STPG2: variants seen among roughly 807,000 people sequenced by gnomAD.
STPG2 encodes sperm-tail PG-rich repeat-containing protein 2.
A neutral mutation model predicts 54.2 loss-of-function variants in STPG2; 56 were observed. That is an observed-to-expected ratio of 1.03 (90% CI 0.83 to 1.29). The LOEUF (loss-of-function observed/expected upper bound fraction) is 1.29, where lower values mean the gene tolerates loss of function less well. Among genes scored for constraint, STPG2 ranks in the 50% most tolerant of loss-of-function variants. The pLI is 0.00. For synonymous variants in STPG2, 200 were observed against 181.8 expected, an observed-to-expected ratio of 1.10 and a Z score of -0.81; for missense variants, 596 against 544.9, an observed-to-expected ratio of 1.09 and a Z score of -0.93.
chr4:97,759,920 A>G (rs1237749791), intron 9 of STPG2, among the ~76,000 whole-genome samples: 1 of 152,128 alleles, frequency 6.6e-6, no homozygotes, highest in African/African-American at 2.4e-5. Flanking sequence ...TTTCCAATCT[A>G]TTCTTAAAAT....
chr4:97,621,606 C>A (rs936774785), intron 10 of STPG2, among the ~76,000 whole-genome samples: 3 of 152,040 alleles, frequency 2.0e-5, no homozygotes, highest in Non-Finnish European at 2.9e-5. Context: ...AACAGACCAA[C>A]AGTGAGTTCC....
intron 8 of STPG2, among the ~76,000 whole-genome samples, chr4:97,936,123 C>T (rs776236627): frequency 3.3e-5 from 5 of 152,124 alleles, no homozygotes; most frequent in South Asian, 2.1e-4. Flanking sequence ...ATCCCTTTAC[C>T]GTTATGTAAT....
chr4:97,912,514 C>T (rs1158872297), intron 8 of STPG2, among the ~76,000 whole-genome samples: 3 of 152,120 alleles, frequency 2.0e-5, no homozygotes, highest in Admixed American at 2.0e-4. Flanking sequence ...AAAAACTTCA[C>T]GATGCACTCA....
At chr4:97,654,801 TA>T (rs530781973) in intron 10 of STPG2, among the ~76,000 whole-genome samples, 6 of 144,380 alleles carry the variant, frequency 4.2e-5, no homozygotes, top group Non-Finnish European at 5.9e-5. Flanking sequence ...TTTACAATAG[TA>T]AAAAAAATCA....
chr4:97,926,599 C>T (rs984211161), intron 8 of STPG2, among the ~76,000 whole-genome samples: 1 of 152,130 alleles, frequency 6.6e-6, no homozygotes, highest in Non-Finnish European at 1.5e-5. Flanking sequence ...AAGTAAAACA[C>T]TTATTCTTTC....
intron 4 of STPG2, among the ~76,000 whole-genome samples, chr4:97,532,559 A>T (rs1224471292): frequency 6.6e-6 from 1 of 152,232 alleles, no homozygotes; most frequent in East Asian, 1.9e-4. Context: ...CCTCAAATTA[A>T]GAAAACCAAG....
At chr4:97,978,875 T>C (rs1410313650) in intron 6 of STPG2, among the ~76,000 whole-genome samples, 1 of 152,146 alleles carries the variant, frequency 6.6e-6, no homozygotes, top group Non-Finnish European at 1.5e-5. Flanking sequence ...ATATTTATGG[T>C]AATCCCTCAT....
At chr4:97,817,170 T>C (rs1727943232) in intron 9 of STPG2, among the ~76,000 whole-genome samples, 1 of 150,030 alleles carries the variant, frequency 6.7e-6, no homozygotes, top group Admixed American at 6.7e-5. Context: ...GTAACTTCCC[T>C]ATGATTCAGT....
intron 5 of STPG2, among the ~76,000 whole-genome samples, chr4:98,049,545 C>T (rs1737247024): frequency 6.6e-6 from 1 of 152,122 alleles, no homozygotes; most frequent in South Asian, 2.1e-4. Flanking sequence ...CTCTATGAAT[C>T]CATAATGATA....
intron 9 of STPG2, among the ~76,000 whole-genome samples, chr4:97,716,944 T>G (rs189915530): frequency 6.6e-6 from 1 of 152,274 alleles, no homozygotes; most frequent in East Asian, 1.9e-4. Context: ...TTTTAAAATG[T>G]CATTTAGAAA....
At chr4:97,531,399 T>A (rs1218709133) in intron 4 of STPG2, among the ~76,000 whole-genome samples, 2 of 152,214 alleles carry the variant, frequency 1.3e-5, no homozygotes, top group Non-Finnish European at 2.9e-5. Flanking sequence ...AAGAGATATA[T>A]CTGCTTTCCT....
chr4:98,037,224 T>G (rs1736806386), intron 5 of STPG2, among the ~76,000 whole-genome samples: 1 of 151,992 alleles, frequency 6.6e-6, no homozygotes, highest in Admixed American at 6.6e-5. Flanking sequence ...AAGAAAAGCA[T>G]GTAGCAATCC....
chr4:97,779,260 A>G (rs185602028), intron 9 of STPG2, among the ~76,000 whole-genome samples: 6 of 152,362 alleles, frequency 3.9e-5, no homozygotes, highest in Admixed American at 2.6e-4. Flanking sequence ...ACTGAAAGCC[A>G]TGGCATGAGA....
intron 7 of STPG2, among the ~76,000 whole-genome samples, chr4:97,962,531 A>G (rs919582677): frequency 6.6e-6 from 1 of 152,234 alleles, no homozygotes; most frequent in African/African-American, 2.4e-5. Flanking sequence ...TTTAGGGTTT[A>G]TATTTCACTC....
intron 8 of STPG2, among the ~76,000 whole-genome samples, chr4:97,937,988 A>C (rs1257817307): frequency 6.6e-6 from 1 of 152,180 alleles, no homozygotes; most frequent in Non-Finnish European, 1.5e-5. Context: ...AGCAGGAAGG[A>C]AGACGTAGTC....
intron 4 of STPG2, among the ~76,000 whole-genome samples, chr4:97,520,757 C>T (rs1731163468): frequency 6.6e-6 from 1 of 151,934 alleles, no homozygotes; most frequent in Non-Finnish European, 1.5e-5. Context: ...TATAGGCACT[C>T]ACGAGAAACA....
intron 10 of STPG2, among the ~76,000 whole-genome samples, chr4:97,616,480 A>G (rs932344874): frequency 6.6e-6 from 1 of 152,106 alleles, no homozygotes; most frequent in South Asian, 2.1e-4. Flanking sequence ...TTTTGTATCT[A>G]TCTAGAAACA....
At position 97,526,284 on chromosome 4, in the gene STPG2, C is replaced by T. The variant is rs545617782; in HGVS notation, c.462+186415G>A. Among the ~76,000 whole-genome samples, 15 of 152,102 alleles carry T rather than the reference C, an allele frequency of 9.9e-5. No individual in the cohort carries two copies. The East Asian group carries it at 2.9e-3, about 30-fold the overall frequency. ...AAGAGAATTTGTAAAATTCCTTATT[C>T]TAGCCTGTGTTAAAGTTTGTATTTC... On this transcript the variant is annotated intron_variant, in intron 4 of 4. Transcript: ENST00000522676.
chr4:97,705,107 C>A (rs1351221848), intron 10 of STPG2, among the ~76,000 whole-genome samples: 3 of 151,994 alleles, frequency 2.0e-5, no homozygotes, highest in Non-Finnish European at 4.4e-5. Flanking sequence ...CTAATACTAT[C>A]TACATATCTA....
Sources: allele counts gnomAD v4.1 joint callset (sites outside exome capture counted in the v4.1 genomes callset), GRCh38; gene constraint gnomAD v4.1.1; transcripts MANE v1.5; gene names NCBI Gene and HGNC (gene_info 2026-07-23, HGNC 2026-07-21).